The following CNTN3 variants were observed in gnomAD, a reference collection of about 807,000 sequenced individuals.
CNTN3 encodes contactin-3.
In CNTN3, 60 loss-of-function variants were observed where a neutral mutation model predicts 119.1. That is an observed-to-expected ratio of 0.50 (90% CI 0.41 to 0.62). The LOEUF (loss-of-function observed/expected upper bound fraction) is 0.62. Among genes scored for constraint, CNTN3 ranks in the 20% least tolerant of loss-of-function variants. The pLI is 0.00. For synonymous variants in CNTN3, 450 were observed against 438.7 expected (o/e 1.03, Z -0.32); for missense variants, 1,101 against 1,242.4 (o/e 0.89, Z 1.71).
intron 1 of CNTN3, among the ~76,000 whole-genome samples, chr3:74,561,630 C>T (rs1230472418): frequency 2.0e-5 from 3 of 152,130 alleles, no homozygotes; most frequent in Non-Finnish European, 4.4e-5. Context: ...CCTCACGTCC[C>T]CCACTACAAA....
chr3:74,544,663 A>G (rs1044189090), intron 1 of CNTN3, among the ~76,000 whole-genome samples: 2 of 152,202 alleles, frequency 1.3e-5, no homozygotes, highest in African/African-American at 2.4e-5. Context: ...CAGTGGCGCG[A>G]TATCAGCTCA....
chr3:74,324,592 T>C (rs1262839636), intron 13 of CNTN3, among the ~76,000 whole-genome samples: 1 of 152,210 alleles, frequency 6.6e-6, no homozygotes, highest in Admixed American at 6.5e-5. Context: ...TAAATATCTG[T>C]ATTTCTTTCA....
chr3:74,380,779 G>A (rs1704596636), intron 5 of CNTN3, among the ~76,000 whole-genome samples: 1 of 152,202 alleles, frequency 6.6e-6, no homozygotes, highest in African/African-American at 2.4e-5. Context: ...TTAAGGGCTA[G>A]TGAATAAAGG....
chr3:74,405,415 T>C (rs1321663942), intron 5 of CNTN3, among the ~76,000 whole-genome samples: 1 of 151,984 alleles, frequency 6.6e-6, no homozygotes, highest in Non-Finnish European at 1.5e-5. Flanking sequence ...ATAACTATAA[T>C]ATTTCAGTGC....
chr3:74,289,605 A>G (rs763668518), intron 19 of CNTN3, among the ~76,000 whole-genome samples: 4 of 152,180 alleles, frequency 2.6e-5, no homozygotes, highest in Non-Finnish European at 5.9e-5. Context: ...AAACAGAGAA[A>G]AGTGACAGCC....
intron 1 of CNTN3, among the ~76,000 whole-genome samples, chr3:74,609,272 G>T (rs1705041900): frequency 6.6e-6 from 1 of 152,190 alleles, no homozygotes; most frequent in Non-Finnish European, 1.5e-5. Flanking sequence ...GACCCAAGGG[G>T]TCGGCCTCAT....
intron 4 of CNTN3, among the ~76,000 whole-genome samples, chr3:74,453,098 T>C (rs1290387178): frequency 2.0e-5 from 3 of 151,978 alleles, no homozygotes; most frequent in African/African-American, 4.8e-5. Flanking sequence ...ATGGTACCAG[T>C]TCCTCCTTGT....
chr3:74,590,217 A>T (rs1704678051), intron 1 of CNTN3, among the ~76,000 whole-genome samples: 1 of 152,036 alleles, frequency 6.6e-6, no homozygotes, highest in Admixed American at 6.6e-5. Flanking sequence ...AAGTCAATAC[A>T]TTTGGAAGGG....
intron 5 of CNTN3, among the ~76,000 whole-genome samples, chr3:74,389,109 A>G (rs1001209970): frequency 2.6e-5 from 4 of 152,230 alleles, no homozygotes; most frequent in African/African-American, 9.6e-5. Flanking sequence ...ATTAAAAACT[A>G]CTGATCTTTA....
intron 13 of CNTN3, among the ~76,000 whole-genome samples, chr3:74,310,734 G>C (rs953348641): frequency 1.3e-5 from 2 of 152,160 alleles, no homozygotes; most frequent in African/African-American, 4.8e-5. Context: ...TAAATTTCAG[G>C]AGGAGAGGGA....
chr3:74,524,349 T>C (rs1253892716), intron 1 of CNTN3, among the ~76,000 whole-genome samples: 4 of 151,846 alleles, frequency 2.6e-5, no homozygotes, highest in Non-Finnish European at 4.4e-5. Context: ...CCCGTACTCA[T>C]AGAGTTTATC....
Position 74,499,757 on chromosome 3 carries a change from A to G in CNTN3, c.84T>C (p.Phe28=), listed in dbSNP as rs1195258409. 1.9e-6 allele frequency: 3 copies of G among 1,611,118 alleles called. No individual in the cohort carries two copies. The East Asian group carries it at 6.7e-5, about 36-fold the overall frequency. ...GGELLLQGPV[F]IKEPSNSIFP... ...AAATGCTGTTGCTGGGTTCTTTGATAAATACAGGGCCTTGTAAGAGAAGCT... is the reference window on the plus strand; with the variant it reads ...AAATGCTGTTGCTGGGTTCTTTGATGAATACAGGGCCTTGTAAGAGAAGCT... The change falls in exon 3 of 23, where the codon TTT becomes TTC. Residue 28 remains phenylalanine, a synonymous_variant. Coordinates refer to ENST00000263665, the MANE Select transcript of CNTN3 (RefSeq NM_020872.3).
chr3:74,312,455 C>CAAAAAAAAAAAAAAAAAAAA, intron 13 of CNTN3, among the ~76,000 whole-genome samples: 1 of 27,804 alleles, frequency 3.6e-5, no homozygotes, highest in African/African-American at 1.3e-4. Context: ...GACTCCATCT[C>CAAAAAAAAAAAAAAAAAAAA]AAAAAAAAAA....
chr3:74,337,747 G>C (rs1304212996), intron 11 of CNTN3, among the ~76,000 whole-genome samples: 1 of 151,902 alleles, frequency 6.6e-6, no homozygotes, highest in Non-Finnish European at 1.5e-5. Flanking sequence ...ATTTGGGTGG[G>C]GACACAGCCA....
Position 74,390,261 on chromosome 3 carries a change from G to A in CNTN3, c.455-18862C>T, listed in dbSNP as rs149406761. Among the ~76,000 whole-genome samples the A allele has an allele frequency of 3.1e-3, 475 of 152,238 alleles. 4 individuals carry two copies. The highest frequency in any genetic ancestry group is 0.01 in the African/African-American group (425 of 41,542). On this transcript the variant is annotated intron_variant, in intron 5 of 22. Coordinates refer to ENST00000263665, the MANE Select transcript of CNTN3 (RefSeq NM_020872.3). ...TTTCACCTGGGTGGGACTGAGGCCCGGAATGTGGAATGTGGGCTTTTGTTC... is the reference window on the plus strand; with the variant it reads ...TTTCACCTGGGTGGGACTGAGGCCCAGAATGTGGAATGTGGGCTTTTGTTC...
intron 4 of CNTN3, among the ~76,000 whole-genome samples, chr3:74,440,732 C>T (rs1352969849): frequency 6.6e-6 from 1 of 152,028 alleles, no homozygotes; most frequent in East Asian, 1.9e-4. Flanking sequence ...ATACATGTGC[C>T]ATGGTGGTTT....
At chr3:74,344,965 C>A (rs956950553) in intron 11 of CNTN3, among the ~76,000 whole-genome samples, 57 of 152,106 alleles carry the variant, frequency 3.7e-4, no homozygotes, top group African/African-American at 1.3e-3. Flanking sequence ...AGGTTAAGAA[C>A]CTCTGCTAGC....
intron 1 of CNTN3, among the ~76,000 whole-genome samples, chr3:74,526,059 C>A (rs980485263): frequency 4.0e-5 from 6 of 151,840 alleles, no homozygotes; most frequent in African/African-American, 1.4e-4. Context: ...ATGTACCTAA[C>A]AAACATTTTC....
intron 4 of CNTN3, among the ~76,000 whole-genome samples, chr3:74,472,039 A>G (rs567063077): frequency 6.6e-6 from 1 of 152,336 alleles, no homozygotes; most frequent in East Asian, 1.9e-4. Flanking sequence ...TGCTATCATT[A>G]TAACTCCACA....
Sources: gnomAD v4.1 joint callset for allele counts (sites outside exome capture counted in the v4.1 genomes callset) on GRCh38, gnomAD v4.1.1 for gene constraint, MANE v1.5 for transcripts, NCBI Gene and HGNC (gene_info 2026-07-23, HGNC 2026-07-21) for gene names.